The following DNAJC1 variants were observed in gnomAD, a reference collection of about 807,000 sequenced individuals.
The protein encoded by DNAJC1 is DnaJ heat shock protein family (Hsp40) member C1.
DNAJC1 carries 58 observed loss-of-function variants against 76.6 expected under a neutral mutation model. The observed-to-expected ratio is 0.76, with a 90% confidence interval of 0.61 to 0.94. DNAJC1 has a LOEUF of 0.94. DNAJC1 is among the 40% of genes least tolerant of loss of function. The pLI, the probability that DNAJC1 is intolerant of heterozygous loss-of-function variation, is 0.00. For missense variants in DNAJC1, 689 were observed against 677.3 expected, an observed-to-expected ratio of 1.02 and a Z score of -0.19; for synonymous variants, 258 against 267.9, an observed-to-expected ratio of 0.96 and a Z score of 0.36.
chr10:21,865,425 T>C (rs146016598), intron 8 of DNAJC1: 1 of 152,248 alleles, frequency 6.6e-6, no homozygotes, highest in East Asian at 1.9e-4. Context: ...TGAACAAACA[T>C]GAATAAATTT....
At chr10:21,870,438 TA>T (rs1836084323) in intron 8 of DNAJC1, among the ~76,000 whole-genome samples, 1 of 151,890 alleles carries the variant, frequency 6.6e-6, no homozygotes, top group African/African-American at 2.4e-5. Context: ...CTCCAGAAAT[TA>T]ACAAAAGGCT....
At chr10:21,975,311 G>C (rs571298846) in intron 1 of DNAJC1, among the ~76,000 whole-genome samples, 1 of 151,840 alleles carries the variant, frequency 6.6e-6, no homozygotes, top group African/African-American at 2.4e-5. Flanking sequence ...AAAAAAATAA[G>C]CTGCAATAAA....
At chr10:21,855,616 T>C (rs1835822250) in intron 8 of DNAJC1, among the ~76,000 whole-genome samples, 1 of 152,172 alleles carries the variant, frequency 6.6e-6, no homozygotes, top group African/African-American at 2.4e-5. Context: ...GGGTAACAGA[T>C]TGAGACTTAC....
chr10:21,861,381 G>C (rs1025268055), intron 8 of DNAJC1, among the ~76,000 whole-genome samples: 19 of 152,200 alleles, frequency 1.2e-4, no homozygotes, highest in African/African-American at 4.6e-4. Context: ...AATCCTAATA[G>C]ACTTAACCCC....
intron 9 of DNAJC1, among the ~76,000 whole-genome samples, chr10:21,783,538 T>C (rs1302162377): frequency 1.3e-5 from 2 of 152,096 alleles, no homozygotes; most frequent in African/African-American, 4.8e-5. Flanking sequence ...CTTCACAGAA[T>C]TGGAAAAAAC....
intron 9 of DNAJC1, among the ~76,000 whole-genome samples, chr10:21,804,264 T>G (rs547614991): frequency 7.8e-4 from 119 of 152,200 alleles, no homozygotes; most frequent in Non-Finnish European, 1.4e-3. Context: ...CTTATAGAAA[T>G]ATTATCTTAG....
intron 8 of DNAJC1, among the ~76,000 whole-genome samples, chr10:21,875,317 G>A (rs1358589181): frequency 1.3e-5 from 2 of 152,064 alleles, no homozygotes; most frequent in Non-Finnish European, 2.9e-5. Flanking sequence ...CACCAAGCCT[G>A]GCTAATTCAT....
At position 21,778,057 on chromosome 10, in the gene DNAJC1, C is replaced by T. The variant is rs547579167; in HGVS notation, c.1099-11748G>A. Among the ~76,000 whole-genome samples, 9 of 152,206 alleles carry T rather than the reference C, an allele frequency of 5.9e-5. No individual in the cohort carries two copies. The South Asian group carries it at 6.2e-4, about 11-fold the overall frequency. On this transcript the variant is annotated intron_variant, in intron 9 of 11. Coordinates refer to ENST00000376980, the MANE Select transcript of DNAJC1 (RefSeq NM_022365.4). ...TACAAAAATTAGCTGGGTGTGGTAG[C>T]GCACACTTGTAGTCCCAGCTACTTG...
At chr10:21,850,533 C>CTT (rs1041190429) in intron 8 of DNAJC1, among the ~76,000 whole-genome samples, 27 of 136,484 alleles carry the variant, frequency 2.0e-4, no homozygotes, top group African/African-American at 5.3e-4. Flanking sequence ...ATTTTCTTTT[C>CTT]TTTTTTTTTT....
At chr10:21,838,297 G>A (rs1590006321) in intron 8 of DNAJC1, among the ~76,000 whole-genome samples, 1 of 152,336 alleles carries the variant, frequency 6.6e-6, no homozygotes, top group African/African-American at 2.4e-5. Flanking sequence ...CTTCTGCCTT[G>A]GGATGCTGTT....
chr10:21,806,321 C>T (rs1834883253), intron 8 of DNAJC1, among the ~76,000 whole-genome samples: 1 of 152,120 alleles, frequency 6.6e-6, no homozygotes, highest in Non-Finnish European at 1.5e-5. Flanking sequence ...ATTTCATTTC[C>T]TACGTATACT....
rs1316254944 is a variant in DNAJC1, at chr10:21,975,875, AATTG to A, written c.222+27334_222+27337del. ...TACACATGTCCTTCATTAAACTATG[AATTG>A]ATTACTATTCAACTTTTTTGGCCTA... is the stretch of plus-strand genomic sequence containing the variant. On this transcript the variant is annotated intron_variant, in intron 1 of 11. Coordinates refer to ENST00000376980, the MANE Select transcript of DNAJC1 (RefSeq NM_022365.4). Among the ~76,000 whole-genome samples, 23 of 152,358 alleles carry A rather than the reference AATTG, an allele frequency of 1.5e-4. No homozygotes were observed. The East Asian group carries it at 4.2e-3, about 28-fold the overall frequency.
At chr10:21,862,928 T>C (rs949755977) in intron 8 of DNAJC1, among the ~76,000 whole-genome samples, 1 of 151,674 alleles carries the variant, frequency 6.6e-6, no homozygotes, top group African/African-American at 2.4e-5. Flanking sequence ...AGGTTGGGAG[T>C]TCGAGACCAG....
intron 1 of DNAJC1, among the ~76,000 whole-genome samples, chr10:21,974,396 G>A (rs1439524074): frequency 2.6e-5 from 4 of 152,104 alleles, no homozygotes; most frequent in African/African-American, 9.7e-5. Context: ...TATGTAACCC[G>A]TGATGCAGCT....
At chr10:21,873,458 C>A (rs961520952) in intron 8 of DNAJC1, among the ~76,000 whole-genome samples, 1 of 152,002 alleles carries the variant, frequency 6.6e-6, no homozygotes, top group Non-Finnish European at 1.5e-5. Flanking sequence ...CAGGTAATAG[C>A]TTATGTAATC....
intron 10 of DNAJC1, among the ~76,000 whole-genome samples, chr10:21,764,716 T>C (rs1564780610): frequency 6.6e-6 from 1 of 152,254 alleles, no homozygotes; most frequent in Non-Finnish European, 1.5e-5. Context: ...TATTTCAAAA[T>C]TCTTTGGCTT....
At chr10:21,908,222 T>C (rs1365837740) in intron 6 of DNAJC1, among the ~76,000 whole-genome samples, 22 of 72,032 alleles carry the variant, frequency 3.1e-4, no homozygotes, top group African/African-American at 1.4e-3. Context: ...ATATTATATA[T>C]AATATATATA....
At chr10:21,982,817 T>C (rs763819597) in intron 1 of DNAJC1, among the ~76,000 whole-genome samples, 10 of 152,154 alleles carry the variant, frequency 6.6e-5, no homozygotes, top group African/African-American at 1.7e-4. Context: ...ACAGCAGCTA[T>C]GAAAAACAAT....
chr10:21,835,552 C>T lies in DNAJC1; in HGVS notation c.979-29453G>A, dbSNP rs929577904. The stretch of plus-strand genomic sequence containing the variant: ...CCGAGCTAAAGGAGGAAATTCGAAC[C>T]AACGGCAAAGAAGTTAAAAGCTTTG... On this transcript the variant is annotated intron_variant, in intron 8 of 11. Transcript: ENST00000376980. 2.0e-5 allele frequency among the ~76,000 whole-genome samples: 3 copies of T among 152,120 alleles called. No homozygotes were observed. In the South Asian group the frequency reaches 6.2e-4, roughly 32 times the overall value.
Sources: allele counts gnomAD v4.1 joint callset (sites outside exome capture counted in the v4.1 genomes callset), GRCh38; gene constraint gnomAD v4.1.1; transcripts MANE v1.5; gene names NCBI Gene and HGNC (gene_info 2026-07-23, HGNC 2026-07-21).